GALM: variants seen among roughly 807,000 people sequenced by gnomAD.
The protein encoded by GALM is galactose mutarotase, also known as aldose 1-epimerase.
Under a neutral mutation model 37.4 loss-of-function variants are expected in GALM, and 43 were observed. That is an observed-to-expected ratio of 1.15 (90% confidence interval 0.90 to 1.48). The LOEUF is 1.48. Ranked by LOEUF, GALM falls within the 40% of genes most tolerant of loss-of-function variation. The pLI, the probability that GALM is intolerant of heterozygous loss-of-function variation, is 0.00. For missense variants in GALM, 456 were observed against 419.1 expected (o/e 1.09, Z -0.77); for synonymous variants, 199 against 170.6 (o/e 1.17, Z -1.30).
At chr2:38,727,879 T>G in intron 4 of GALM, among the ~76,000 whole-genome samples, 1 of 152,302 alleles carries the variant, frequency 6.6e-6, no homozygotes, top group African/African-American at 2.4e-5. Flanking sequence ...TTTAAATTAT[T>G]TTAATGGTAA....
rs570438880 is a variant in GALM, at chr2:38,716,321, C to A, written c.635-13235C>A. On this transcript the variant is annotated intron_variant, in intron 4 of 6. Transcript: ENST00000272252. ...AATCATAAACAGTCCAGAAGGAGGC[C>A]CTGGTGTACTACACAAAGTTTTTGC... Among the ~76,000 whole-genome samples the A allele has an allele frequency of 2.0e-5, 3 of 152,240 alleles. No homozygotes were observed. The South Asian group carries it at 6.2e-4, about 32-fold the overall frequency.
intron 1 of GALM, among the ~76,000 whole-genome samples, chr2:38,669,983 C>T (rs1665051075): frequency 6.6e-6 from 1 of 151,648 alleles, no homozygotes; most frequent in Non-Finnish European, 1.5e-5. Flanking sequence ...ATGCCTTAAC[C>T]TCCCAAGTAG....
intron 4 of GALM, among the ~76,000 whole-genome samples, chr2:38,694,897 A>AG (rs1222669711): frequency 1.6e-5 from 1 of 62,514 alleles, no homozygotes; most frequent in Non-Finnish European, 4.5e-5. Flanking sequence ...ACTCCGTCTC[A>AG]AAAAAAAAAA....
intron 4 of GALM, among the ~76,000 whole-genome samples, chr2:38,696,214 G>A (rs1665801429): frequency 6.6e-6 from 1 of 151,670 alleles, no homozygotes; most frequent in South Asian, 2.1e-4. Flanking sequence ...CCACCTCCCG[G>A]GTTCAAGCGA....
At chr2:38,672,026 T>A (rs535668155) in intron 1 of GALM, among the ~76,000 whole-genome samples, 1 of 150,812 alleles carries the variant, frequency 6.6e-6, no homozygotes. Context: ...CTGATAATTA[T>A]GGGGAAAAAA....
intron 4 of GALM, among the ~76,000 whole-genome samples, chr2:38,702,158 C>T (rs1314432406): frequency 1.3e-5 from 2 of 151,680 alleles, no homozygotes; most frequent in Non-Finnish European, 2.9e-5. Flanking sequence ...GATTCATAAT[C>T]TGGACAACTG....
At chr2:38,668,744 C>T (rs1234321125) in intron 1 of GALM, 1 of 151,694 alleles carries the variant, frequency 6.6e-6, no homozygotes, top group Non-Finnish European at 1.5e-5. Flanking sequence ...GCCTGAGCAA[C>T]ATAGTGAGAC....
intron 2 of GALM, among the ~76,000 whole-genome samples, chr2:38,680,408 C>A (rs772791280): frequency 4.5e-4 from 69 of 151,990 alleles, no homozygotes; most frequent in Admixed American, 1.3e-3. Flanking sequence ...GAAGAAACTT[C>A]GAGATAATTT....
chr2:38,693,545 C>T (rs1665733679), intron 4 of GALM, among the ~76,000 whole-genome samples: 1 of 151,300 alleles, frequency 6.6e-6, no homozygotes, highest in African/African-American at 2.4e-5. Flanking sequence ...TCCATTAAGA[C>T]TTCTCAAAAT....
intron 4 of GALM, among the ~76,000 whole-genome samples, chr2:38,727,990 GC>G (rs1666521910): frequency 6.6e-6 from 1 of 152,090 alleles, no homozygotes; most frequent in African/African-American, 2.4e-5. Flanking sequence ...TCCTAAAATT[GC>G]CATTTGACCA....
chr2:38,691,456 GA>G (rs1665669374), intron 4 of GALM, among the ~76,000 whole-genome samples: 1 of 151,986 alleles, frequency 6.6e-6, no homozygotes. Context: ...GGCAGAGGAG[GA>G]TCACTTGAGC....
At chr2:38,693,990 G>A (rs1283968254) in intron 4 of GALM, among the ~76,000 whole-genome samples, 8 of 152,196 alleles carry the variant, frequency 5.3e-5, no homozygotes, top group Admixed American at 3.3e-4. Flanking sequence ...GAGCAGCCTG[G>A]GCAACATAGG....
Position 38,666,179 on chromosome 2 carries a change from G to T in GALM, c.18G>T (p.Arg6Ser), listed in dbSNP as rs765926290. The T allele has an allele frequency of 1.2e-5, 19 of 1,612,888 alleles. No homozygotes were observed. In the Admixed American group the frequency reaches 2.8e-4, roughly 24 times the overall value. Residue 6 changes from arginine to serine, a missense_variant, in exon 1 of 7, where the codon AGG (arginine) becomes AGT (serine). By Grantham distance (110) the Arg-to-Ser change is moderately radical. Transcript: ENST00000272252. Reference protein sequence around the residue: MASVTRAVFGELPSGG... With the variant: MASVTSAVFGELPSGG... ...CTTTCCCTATGGCTTCGGTGACCAG[G>T]GCCGTGTTTGGAGAGCTGCCCTCGG...
intron 4 of GALM, among the ~76,000 whole-genome samples, chr2:38,712,473 C>T (rs1666191124): frequency 6.6e-6 from 1 of 152,164 alleles, no homozygotes; most frequent in Non-Finnish European, 1.5e-5. Context: ...GAATCCTTTC[C>T]AAGATGGACA....
intron 3 of GALM, among the ~76,000 whole-genome samples, chr2:38,685,977 T>C (rs1342283065): frequency 6.6e-6 from 1 of 152,052 alleles, no homozygotes; most frequent in Non-Finnish European, 1.5e-5. Flanking sequence ...CCTCCCAAAC[T>C]TCTGGGATTA....
intron 1 of GALM, among the ~76,000 whole-genome samples, chr2:38,670,108 C>T (rs567804614): frequency 6.6e-6 from 1 of 151,982 alleles, no homozygotes; most frequent in Non-Finnish European, 1.5e-5. Context: ...AAGTGATCCA[C>T]CTACCTCAGC....
chr2:38,703,465 T>A (rs1426137334), intron 4 of GALM, among the ~76,000 whole-genome samples: 1 of 151,818 alleles, frequency 6.6e-6, no homozygotes, highest in African/African-American at 2.4e-5. Flanking sequence ...AACCAAGATA[T>A]AGGTCTCCGT....
chr2:38,734,035 A>G lies in GALM; in HGVS notation c.*470A>G, dbSNP rs774358903. 1 of 210,754 alleles carries G rather than the reference A, an allele frequency of 4.7e-6. No homozygotes were observed. Among genetic ancestry groups the G allele is most frequent in the Non-Finnish European group, 9.7e-6 (1 of 102,842 alleles). 13.1% of individuals were successfully genotyped at this position (210,754 alleles called of 1,614,324 possible). ...CATGCTAGGAGATGGACCTGTCTCT[A>G]TACAGCAGTAGATGATTGATAAGTG... On this transcript the variant is annotated 3_prime_UTR_variant, in exon 7 of 7. Coordinates refer to ENST00000272252, the MANE Select transcript of GALM (RefSeq NM_138801.3).
chr2:38,733,569 A>C lies in GALM; in HGVS notation c.*4A>C, dbSNP rs752071815. 1.3e-5 allele frequency: 21 copies of C among 1,610,238 alleles called. No individual in the cohort carries two copies. Among genetic ancestry groups the C allele is most frequent in the Middle Eastern group, 3.3e-4 (2 of 6,080 alleles). Reference sequence around the variant, plus strand: ...GTTCAAGTTTTCTGTGGCTTAAGGAAGTGTGAAGATATGATCCAGTCCAGG... The same window carrying C: ...GTTCAAGTTTTCTGTGGCTTAAGGACGTGTGAAGATATGATCCAGTCCAGG... On this transcript the variant is annotated 3_prime_UTR_variant, in exon 7 of 7. Transcript: ENST00000272252.
Sources: allele counts gnomAD v4.1 joint callset (sites outside exome capture counted in the v4.1 genomes callset), GRCh38; gene constraint gnomAD v4.1.1; transcripts MANE v1.5; gene names NCBI Gene and HGNC (gene_info 2026-07-23, HGNC 2026-07-21).